The following ZNF221 variants were observed in gnomAD, a reference collection of about 807,000 sequenced individuals.
ZNF221 encodes the protein zinc finger protein 221.
In ZNF221, 10 loss-of-function variants were observed where a neutral mutation model predicts 12.6. That is an observed-to-expected ratio of 0.79 (90% confidence interval 0.49 to 1.34). The LOEUF (loss-of-function observed/expected upper bound fraction) is 1.34. ZNF221 is among the 40% of genes most tolerant of loss of function. ZNF221 has a pLI of 0.00. For missense variants in ZNF221, 661 were observed against 721.4 expected (o/e 0.92, Z 0.96); for synonymous variants, 232 against 244.0 (o/e 0.95, Z 0.46).
chr19:43,964,602 C>G (rs1046099875), intron 2 of ZNF221, among the ~76,000 whole-genome samples: 1 of 118,984 alleles, frequency 8.4e-6, no homozygotes, highest in African/African-American at 3.0e-5. Context: ...GACTAAACTT[C>G]TAAATGTTAC....
At chr19:43,969,881 C>A (rs1170577639), downstream of ZNF221, among the ~76,000 whole-genome samples, 1 of 152,184 alleles carries the variant, frequency 6.6e-6, no homozygotes, top group East Asian at 1.9e-4. Flanking sequence ...AGGGTCCTCC[C>A]CCACCGCAGC....
chr19:43,960,279 T>G (rs1398041094), intron 1 of ZNF221: 1 of 152,206 alleles, frequency 6.6e-6, no homozygotes, highest in Non-Finnish European at 1.5e-5. Flanking sequence ...GTGGCCTGGC[T>G]GCCTCACTGC....
downstream of ZNF221, among the ~76,000 whole-genome samples, chr19:43,968,782 A>G (rs1183447669): frequency 6.6e-6 from 1 of 152,190 alleles, no homozygotes; most frequent in East Asian, 1.9e-4. Flanking sequence ...CATGGAGCCA[A>G]AGGAAACCTC....
At chr19:43,952,844 T>C (rs1393217047) in intron 1 of ZNF221, among the ~76,000 whole-genome samples, 1 of 152,210 alleles carries the variant, frequency 6.6e-6, no homozygotes, top group Non-Finnish European at 1.5e-5. Context: ...TTTGTATTCT[T>C]ATAGAACCAT....
At chr19:43,954,153 G>A (rs1974718691) in intron 1 of ZNF221, among the ~76,000 whole-genome samples, 1 of 149,616 alleles carries the variant, frequency 6.7e-6, no homozygotes, top group Non-Finnish European at 1.5e-5. Flanking sequence ...ATCCCATTTA[G>A]TCACATTAAT....
chr19:43,960,063 T>G (rs1974819141), intron 1 of ZNF221: 2 of 152,106 alleles, frequency 1.3e-5, no homozygotes, highest in South Asian at 4.1e-4. Flanking sequence ...GGTGGGAATA[T>G]GGACAATGAA....
At chr19:43,963,253 A>G (rs397276) in intron 2 of ZNF221, among the ~76,000 whole-genome samples, 64,787 of 152,028 alleles carry the variant, frequency 0.43, 13,949 homozygotes, top group Middle Eastern at 0.5. Context: ...ACTCATAGAC[A>G]TTTAGGTGGT....
At chr19:43,958,243 A>G (rs1568475209) in intron 1 of ZNF221, among the ~76,000 whole-genome samples, 1 of 152,134 alleles carries the variant, frequency 6.6e-6, no homozygotes, top group Non-Finnish European at 1.5e-5. Context: ...AACCATCTCC[A>G]TTTTGAGTTT....
At chr19:43,969,250 G>A (rs1975044094), downstream of ZNF221, among the ~76,000 whole-genome samples, 1 of 151,544 alleles carries the variant, frequency 6.6e-6, no homozygotes, top group Admixed American at 6.6e-5. Flanking sequence ...GCCAGCTCTG[G>A]AGAGACCAGG....
At position 43,966,224 on chromosome 19, in the gene ZNF221, T is replaced by G. The variant is rs1370060031; in HGVS notation, c.722T>G (p.Leu241Arg). The G allele has an allele frequency of 4.3e-6, 7 of 1,614,094 alleles. No individual in the cohort carries two copies. Among genetic ancestry groups the G allele is most frequent in the Non-Finnish European group, 5.9e-6 (7 of 1,180,030 alleles). ...CGKEFNQSSH[L>R]QTHQRVHTGE... ...AAGGAATTTAATCAGAGCTCACATC[T>G]GCAAACTCATCAGAGAGTCCATACT... Residue 241 changes from leucine to arginine, a missense_variant, in exon 5 of 5, where the codon CTG (leucine) becomes CGG (arginine). Physicochemically the swap from Leu to Arg is moderately radical, Grantham distance 102. Coordinates refer to ENST00000587682, the MANE Select transcript of ZNF221 (RefSeq NM_001297588.2).
chr19:43,971,919 T>C (rs976676607), downstream of ZNF221, among the ~76,000 whole-genome samples: 5 of 152,170 alleles, frequency 3.3e-5, no homozygotes, highest in African/African-American at 1.2e-4. Context: ...CTGATAGATA[T>C]CTGCAGAACT....
At chr19:43,977,029 C>G in the ZNF221 span, 3 of 152,030 alleles carry the variant, frequency 2.0e-5, no homozygotes, top group Non-Finnish European at 4.4e-5. Flanking sequence ...AACACAAAGC[C>G]AGTAAAATGA....
At chr19:43,967,756 G>A (rs1975010839), downstream of ZNF221, 1 of 177,844 alleles carries the variant, frequency 5.6e-6, no homozygotes, top group Admixed American at 5.4e-5. Context: ...GGGATTACAG[G>A]CGTGAGCCAC....
In ZNF221 at chr19:43,966,285, AG is replaced by A; in HGVS notation, c.785del (p.Gly262AlafsTer100). The A allele has an allele frequency of 6.2e-7, 1 of 1,613,346 alleles. No homozygotes were observed. The highest frequency in any genetic ancestry group is 8.5e-7 in the Non-Finnish European group (1 of 1,179,298). Reference sequence around the variant, plus strand: ...CATTCAAATGTGGGCAATGTGGGAAAGGCTTCCATAGTAGATCAGCACTTAA... The same window carrying A: ...CATTCAAATGTGGGCAATGTGGGAAAGCTTCCATAGTAGATCAGCACTTAA... ...KPFKCGQCGK[G>X]FHSRSALNVH... is the part of the protein sequence containing the mutation. On this transcript the variant is annotated frameshift_variant, in exon 5 of 5. Transcript: ENST00000587682. LOFTEE classifies it low-confidence loss of function (END_TRUNC).
chr19:43,970,848 T>C (rs1055321865), downstream of ZNF221, among the ~76,000 whole-genome samples: 1 of 152,242 alleles, frequency 6.6e-6, no homozygotes, highest in Non-Finnish European at 1.5e-5. Context: ...TACTTTAGGA[T>C]GTTATCCAGG....
the ZNF221 span, among the ~76,000 whole-genome samples, chr19:43,973,847 A>C: frequency 6.6e-6 from 1 of 152,224 alleles, no homozygotes; most frequent in Non-Finnish European, 1.5e-5. Flanking sequence ...ATTCAATGCT[A>C]TTCCCATTAA....
At chr19:43,956,955 G>T (rs1451351403) in intron 1 of ZNF221, among the ~76,000 whole-genome samples, 1 of 152,212 alleles carries the variant, frequency 6.6e-6, no homozygotes, top group African/African-American at 2.4e-5. Flanking sequence ...AAGAAGATTT[G>T]TAAACAGAAA....
chr19:43,967,055 G>T lies in ZNF221; in HGVS notation c.1553G>T (p.Ser518Ile). 1.3e-6 allele frequency: 2 copies of T among 1,597,404 alleles called. No homozygotes were observed. Among genetic ancestry groups the T allele is most frequent in the African/African-American group, 1.3e-5 (1 of 74,730 alleles). ...CEECGKRFTQ[S>I]SQLHSHQTCH... ...GAGTGTGGAAAGAGATTTACTCAGA[G>T]TTCACAACTTCATTCCCATCAGACA... Residue 518 changes from serine (S) to isoleucine (I), a missense_variant, in exon 5 of 5, where the codon AGT (serine) becomes ATT (isoleucine). Transcript: ENST00000587682.
At chr19:43,969,874 G>T (rs1975059611), downstream of ZNF221, among the ~76,000 whole-genome samples, 1 of 152,170 alleles carries the variant, frequency 6.6e-6, no homozygotes, top group Non-Finnish European at 1.5e-5. Context: ...GTGAGGAAGG[G>T]TCCTCCCCCA....
Sources: allele counts gnomAD v4.1 joint callset (sites outside exome capture counted in the v4.1 genomes callset), GRCh38; gene constraint gnomAD v4.1.1; transcripts MANE v1.5; gene names NCBI Gene and HGNC (gene_info 2026-07-23, HGNC 2026-07-21).